Variants in SLC25A30 observed in about 807,000 individuals in gnomAD.
SLC25A30 encodes the protein solute carrier family 25 member 30.
A neutral mutation model predicts 42.7 loss-of-function variants in SLC25A30; 29 were observed. The observed-to-expected ratio is 0.68, with a 90% CI of 0.51 to 0.93. The LOEUF (loss-of-function observed/expected upper bound fraction) is 0.93, where lower values mean the gene tolerates loss of function less well. Ranked by LOEUF, SLC25A30 falls within the 40% of genes least tolerant of loss-of-function variation. The probability of loss-of-function intolerance (pLI) is 0.00; values close to 1 mark genes in which losing one functional copy is unlikely to be tolerated. For missense variants in SLC25A30, 300 were observed against 359.7 expected (o/e 0.83, Z 1.34); for synonymous variants, 124 against 131.0 (o/e 0.95, Z 0.37).
rs11840395 is a variant in SLC25A30, at chr13:45,398,054, T to A, written c.754-716A>T. 6.2e-3 allele frequency: 6,071 copies of A among 985,296 alleles called. 270 individuals carry two copies. The African/African-American group carries it at 0.094, about 15-fold the overall frequency. The allele number at this position is 985,296 out of a possible 1,614,324, so 61.0% of individuals were successfully genotyped here. On this transcript the variant is annotated intron_variant, in intron 8 of 9. Transcript: ENST00000519676. ...AATACGATAAGTGTCTTTGCTTCAT[T>A]AAGGCAACACCTGAAGAATAAAATG...
intron 1 of SLC25A30, among the ~76,000 whole-genome samples, chr13:45,416,045 G>A (rs1883500968): frequency 1.3e-5 from 2 of 151,254 alleles, no homozygotes. Flanking sequence ...TGATCTGCCT[G>A]CCTCCGACTC....
At chr13:45,422,271 T>A (rs1436926618), upstream of SLC25A30, among the ~76,000 whole-genome samples, 1 of 152,108 alleles carries the variant, frequency 6.6e-6, no homozygotes, top group Non-Finnish European at 1.5e-5. Flanking sequence ...TTTTTCTGGA[T>A]GGTTGGTGCT....
chr13:45,423,821 A>ATTTATATATAT, the SLC25A30 span, among the ~76,000 whole-genome samples: 52 of 79,194 alleles, frequency 6.6e-4, no homozygotes, highest in Non-Finnish European at 9.5e-4. Flanking sequence ...TAAAAATATA[A>ATTTATATATAT]ATATATATTT....
At chr13:45,421,379 C>CAAAAA (rs368665089), upstream of SLC25A30, among the ~76,000 whole-genome samples, 4 of 83,350 alleles carry the variant, frequency 4.8e-5, no homozygotes, top group African/African-American at 9.8e-5. Context: ...ACTCCATCTC[C>CAAAAA]AAAAAAAAAA....
chr13:45,405,068 G>A (rs539297119), intron 4 of SLC25A30, among the ~76,000 whole-genome samples: 2 of 152,098 alleles, frequency 1.3e-5, no homozygotes, highest in East Asian at 3.9e-4. Context: ...GACTATAGGC[G>A]TGCACCTCCA....
At chr13:45,425,110 A>ATATATTTATAAATATATAAG in the SLC25A30 span, among the ~76,000 whole-genome samples, 7 of 74,208 alleles carry the variant, frequency 9.4e-5, no homozygotes, top group Non-Finnish European at 1.4e-4. Context: ...AAATATATAA[A>ATATATTTATAAATATATAAG]TATATTTATA....
intron 2 of SLC25A30, among the ~76,000 whole-genome samples, chr13:45,410,768 G>T (rs1158118230): frequency 6.6e-6 from 1 of 152,138 alleles, no homozygotes; most frequent in Admixed American, 6.5e-5. Flanking sequence ...GCCGAGATCA[G>T]ACGACTGCAC....
chr13:45,413,070 C>A (rs2137688258), intron 1 of SLC25A30, among the ~76,000 whole-genome samples: 1 of 152,274 alleles, frequency 6.6e-6, no homozygotes, highest in African/African-American at 2.4e-5. Flanking sequence ...AACACTAGGA[C>A]CCCCCATCGG....
At chr13:45,425,734 C>G in the SLC25A30 span, among the ~76,000 whole-genome samples, 1 of 141,200 alleles carries the variant, frequency 7.1e-6, no homozygotes. Flanking sequence ...GCTGTATCCC[C>G]CAGGCTGGAG....
Position 45,393,318 on chromosome 13 carries a change from TTTA to T in SLC25A30, c.*2653_*2655del. On this transcript the variant is annotated 3_prime_UTR_variant, in exon 10 of 10. Coordinates refer to ENST00000519676, the MANE Select transcript of SLC25A30 (RefSeq NM_001010875.4). Reference sequence around the variant, plus strand: ...TTATCTGAAATAACCAGAAATCATTTTTATTATTATATATTACTCCAGTTTATT... The same window carrying T: ...TTATCTGAAATAACCAGAAATCATTTTTATTATATATTACTCCAGTTTATT... 3 of 967,746 alleles carry T rather than the reference TTTA, an allele frequency of 3.1e-6. No homozygotes were observed. The highest frequency in any genetic ancestry group is 3.7e-6 in the Non-Finnish European group (3 of 813,806). 59.9% of individuals were successfully genotyped at this position (967,746 alleles called of 1,614,324 possible).
intron 6 of SLC25A30, among the ~76,000 whole-genome samples, 164 bp downstream of exon 6, chr13:45,402,111 T>C (rs1882050258): frequency 6.6e-6 from 1 of 151,852 alleles, no homozygotes; most frequent in South Asian, 2.1e-4. Flanking sequence ...ATTCCCATTT[T>C]ATAGATAGGG....
intron 5 of SLC25A30, chr13:45,402,659 C>A (rs1882111581): frequency 4.5e-6 from 2 of 442,728 alleles, no homozygotes; most frequent in Non-Finnish European, 2.7e-6. Context: ...TGAAAAAAGT[C>A]TTTCTAGGAT....
rs758727034 is a variant in SLC25A30, at chr13:45,405,930, A to G, written c.260T>C (p.Ile87Thr). Residue 87 changes from isoleucine to threonine, a missense_variant, in exon 4 of 10, where the codon ATA becomes ACA. Transcript: ENST00000519676. ...LRQASYGTIK[I>T]GTYQSLKRLF... ...TCGCTTCAAGCTCTGGTAAGTGCCT[A>G]TCTTGATGGTGCCATAGGATGCCTG... 5.6e-6 allele frequency: 9 copies of G among 1,614,096 alleles called. No homozygotes were observed. The highest frequency in any genetic ancestry group is 1.1e-5 in the South Asian group (1 of 91,086).
upstream of SLC25A30, among the ~76,000 whole-genome samples, chr13:45,423,261 C>G (rs1883938052): frequency 6.6e-6 from 1 of 151,746 alleles, no homozygotes; most frequent in Non-Finnish European, 1.5e-5. Flanking sequence ...GTAAGTCCTG[C>G]TAAAAAGTAC....
chr13:45,395,964 C>G lies in SLC25A30; in HGVS notation c.*10G>C, dbSNP rs748664310. The G allele has an allele frequency of 1.9e-6, 3 of 1,614,060 alleles. No homozygotes were observed. The highest frequency in any genetic ancestry group is 2.7e-5 in the African/African-American group (2 of 74,922). On this transcript the variant is annotated 3_prime_UTR_variant, in exon 10 of 10. Coordinates refer to ENST00000519676, the MANE Select transcript of SLC25A30 (RefSeq NM_001010875.4). ...ATTTTCAGAAAGATGTCTCATGCAGCCTTGGCTTGTCACAAATCCAATTTC... is the reference window on the plus strand; with the variant it reads ...ATTTTCAGAAAGATGTCTCATGCAGGCTTGGCTTGTCACAAATCCAATTTC...
chr13:45,402,753 T>C (rs1355527554), intron 5 of SLC25A30: 14 of 984,518 alleles, frequency 1.4e-5, no homozygotes, highest in Non-Finnish European at 1.7e-5. Context: ...AGTTATCCAG[T>C]GTACCTGGCA....
Position 45,396,029 on chromosome 13 carries a change from T to C in SLC25A30, c.835-14A>G, listed in dbSNP as rs1459806276. On this transcript the variant is annotated splice_polypyrimidine_tract_variant and intron_variant, in intron 9 of 9. Coordinates refer to ENST00000519676, the MANE Select transcript of SLC25A30 (RefSeq NM_001010875.4). ...TGTCACAAAGAACTGTGGTTATGGGTTAAGGATGACACAGAAAATGCCATC... is the reference window on the plus strand; with the variant it reads ...TGTCACAAAGAACTGTGGTTATGGGCTAAGGATGACACAGAAAATGCCATC... 1.2e-6 allele frequency: 2 copies of C among 1,614,176 alleles called. No homozygotes were observed. The highest frequency in any genetic ancestry group is 2.2e-5 in the South Asian group (2 of 91,084).
rs1172533202 is a variant in SLC25A30 at position 45,395,527 on chromosome 13, C to A, written c.*447G>T. 13 of 1,050,592 alleles carry A rather than the reference C, an allele frequency of 1.2e-5. No individual in the cohort carries two copies. Among genetic ancestry groups the A allele is most frequent in the African/African-American group, 1.7e-5 (1 of 59,792 alleles). The allele number at this position is 1,050,592 out of a possible 1,614,324, so 65.1% of individuals were successfully genotyped here. On this transcript the variant is annotated 3_prime_UTR_variant, in exon 10 of 10. Coordinates refer to ENST00000519676, the MANE Select transcript of SLC25A30 (RefSeq NM_001010875.4). ...TGAAATTTCTTCAGTTGACAAGGAG[C>A]AAAATCTCCCAGAAATTCAGAAACC...
intron 6 of SLC25A30, 102 bp downstream of exon 6, chr13:45,402,173 C>A: frequency 1.3e-6 from 1 of 799,590 alleles, no homozygotes. Context: ...TCTTCCCTTA[C>A]TCCATTACGA....
Sources: gnomAD v4.1 joint callset for allele counts (sites outside exome capture counted in the v4.1 genomes callset) on GRCh38, gnomAD v4.1.1 for gene constraint, MANE v1.5 for transcripts, NCBI Gene and HGNC (gene_info 2026-07-23, HGNC 2026-07-21) for gene names.